GPR176: variants seen among roughly 807,000 people sequenced by gnomAD.
GPR176 encodes the protein G-protein coupled receptor 176.
GPR176 carries 26 observed loss-of-function variants against 35.4 expected under a neutral mutation model. The ratio of observed to expected loss-of-function variants is 0.74; its 90% CI spans 0.54 to 1.02. The LOEUF is 1.02. GPR176 is among the 50% of genes least tolerant of loss of function. The pLI is 0.00. For synonymous variants in GPR176, 278 were observed against 271.3 expected (o/e 1.02, Z -0.24); for missense variants, 597 against 665.3 (o/e 0.90, Z 1.13).
intron 1 of GPR176, chr15:39,807,494 T>G: frequency 7.4e-7 from 1 of 1,344,396 alleles, no homozygotes. Flanking sequence ...AGTTTCTCTA[T>G]TTAATTTTGG....
intron 1 of GPR176, among the ~76,000 whole-genome samples, chr15:39,841,599 A>G (rs2029995631): frequency 6.6e-6 from 1 of 152,122 alleles, no homozygotes; most frequent in Admixed American, 6.5e-5. Flanking sequence ...TTGCCAGCAA[A>G]CCACCAGAAG....
rs1163016803 is a variant in GPR176, at chr15:39,917,364, T to C, written c.172+2491A>G. Among the ~76,000 whole-genome samples the C allele has an allele frequency of 4.1e-5, 6 of 146,058 alleles. No individual in the cohort carries two copies. In the East Asian group the frequency reaches 1.1e-3, roughly 26 times the overall value. On this transcript the variant is annotated intron_variant, in intron 1 of 2. Transcript: ENST00000561100. ...AACTTTTTTTTTTTTTTTTGGAGAC[T>C]CCACTCTGTTGCCCAGGCTGGAGTG...
chr15:39,845,559 C>T lies in GPR176; in HGVS notation c.173-38301G>A, dbSNP rs776867714. Among the ~76,000 whole-genome samples the T allele has an allele frequency of 4.6e-5, 7 of 151,904 alleles. No individual in the cohort carries two copies. The East Asian group carries it at 7.8e-4, about 17-fold the overall frequency. Reference sequence around the variant, plus strand: ...CACTGATGCCTGGGCCACACTCAGACGCTTGATTTAATTTAGTCTGGGGTA... The same window carrying T: ...CACTGATGCCTGGGCCACACTCAGATGCTTGATTTAATTTAGTCTGGGGTA... On this transcript the variant is annotated intron_variant, in intron 1 of 2. Coordinates refer to ENST00000561100, the MANE Select transcript of GPR176 (RefSeq NM_007223.3).
intron 2 of GPR176, among the ~76,000 whole-genome samples, chr15:39,806,799 C>T (rs1899218916): frequency 6.6e-6 from 1 of 152,180 alleles, no homozygotes; most frequent in Admixed American, 6.5e-5. Context: ...CCCAGGTCTT[C>T]TCTCAATGGT....
At chr15:39,840,487 T>A (rs1901674420) in intron 1 of GPR176, among the ~76,000 whole-genome samples, 1 of 151,502 alleles carries the variant, frequency 6.6e-6, no homozygotes, top group African/African-American at 2.4e-5. Flanking sequence ...TGTCATGGGG[T>A]GGGGGTAGCG....
chr15:39,850,960 T>C (rs62002492), intron 1 of GPR176, among the ~76,000 whole-genome samples: 29,244 of 151,796 alleles, frequency 0.19, 3,226 homozygotes, highest in Admixed American at 0.35. Context: ...ATGCTGGAAG[T>C]TGAAAAAAGA....
chr15:39,832,412 C>A (rs989587182), intron 1 of GPR176, among the ~76,000 whole-genome samples: 4 of 152,044 alleles, frequency 2.6e-5, no homozygotes, highest in African/African-American at 9.7e-5. Context: ...TAAAACAACA[C>A]AAAATTATTA....
At chr15:39,862,755 A>G (rs1328379994) in intron 1 of GPR176, among the ~76,000 whole-genome samples, 2 of 152,250 alleles carry the variant, frequency 1.3e-5, no homozygotes, top group African/African-American at 4.8e-5. Flanking sequence ...TATGCACAGT[A>G]CATAATACTT....
intron 2 of GPR176, among the ~76,000 whole-genome samples, chr15:39,804,320 C>T (rs1899062592): frequency 6.6e-6 from 1 of 152,206 alleles, no homozygotes; most frequent in African/African-American, 2.4e-5. Context: ...AGAGAAAAGA[C>T]TGTCTTCTCT....
At chr15:39,827,253 C>T (rs1566942816) in intron 1 of GPR176, among the ~76,000 whole-genome samples, 2 of 152,290 alleles carry the variant, frequency 1.3e-5, no homozygotes, top group East Asian at 1.9e-4. Context: ...ACAAAAATAG[C>T]AGCATTAGCA....
At chr15:39,873,621 CTTT>C (rs11446640) in intron 1 of GPR176, among the ~76,000 whole-genome samples, 1 of 141,804 alleles carries the variant, frequency 7.1e-6, no homozygotes, top group Non-Finnish European at 1.5e-5. Context: ...TTTTTCTTTT[CTTT>C]TTTTTTTTTT....
intron 1 of GPR176, among the ~76,000 whole-genome samples, chr15:39,911,133 A>G (rs2033567043): frequency 6.6e-6 from 1 of 152,166 alleles, no homozygotes; most frequent in African/African-American, 2.4e-5. Context: ...GTAGATTTAT[A>G]ATAATTTGTT....
At chr15:39,851,746 C>T (rs1270604300) in intron 1 of GPR176, among the ~76,000 whole-genome samples, 1 of 152,228 alleles carries the variant, frequency 6.6e-6, no homozygotes, top group Non-Finnish European at 1.5e-5. Flanking sequence ...TTTCTCAGAA[C>T]ACAGACTTCG....
At chr15:39,855,423 C>T (rs175727) in intron 1 of GPR176, among the ~76,000 whole-genome samples, 5,909 of 152,220 alleles carry the variant, frequency 0.039, 394 homozygotes, top group African/African-American at 0.13. Context: ...AAATGCTACA[C>T]TATGTTTAGG....
At chr15:39,821,400 T>C (rs1181147061) in intron 1 of GPR176, among the ~76,000 whole-genome samples, 1 of 152,208 alleles carries the variant, frequency 6.6e-6, no homozygotes, top group African/African-American at 2.4e-5. Flanking sequence ...GCAAATAATA[T>C]AAAATATAAA....
At chr15:39,827,421 A>G (rs1043651182) in intron 1 of GPR176, among the ~76,000 whole-genome samples, 2 of 152,174 alleles carry the variant, frequency 1.3e-5, no homozygotes, top group Non-Finnish European at 2.9e-5. Flanking sequence ...TTGTTAGTTG[A>G]TATCAGTGTG....
chr15:39,913,541 T>C (rs2033634093), intron 1 of GPR176, among the ~76,000 whole-genome samples: 1 of 146,936 alleles, frequency 6.8e-6, no homozygotes, highest in African/African-American at 2.5e-5. Context: ...TAAGACCCTG[T>C]CTCAAAAAAA....
At chr15:39,829,988 A>AAT (rs907175914) in intron 1 of GPR176, among the ~76,000 whole-genome samples, 1 of 151,418 alleles carries the variant, frequency 6.6e-6, no homozygotes, top group Non-Finnish European at 1.5e-5. Flanking sequence ...AATTTATATA[A>AAT]ATATATATAT....
At chr15:39,869,720 C>T (rs2031975787) in intron 1 of GPR176, among the ~76,000 whole-genome samples, 1 of 152,186 alleles carries the variant, frequency 6.6e-6, no homozygotes, top group Middle Eastern at 3.4e-3. Flanking sequence ...TTTGCAATAG[C>T]ACAATATTAA....
Sources: gnomAD v4.1 joint callset for allele counts (sites outside exome capture counted in the v4.1 genomes callset) on GRCh38, gnomAD v4.1.1 for gene constraint, MANE v1.5 for transcripts, NCBI Gene and HGNC (gene_info 2026-07-23, HGNC 2026-07-21) for gene names.